Variants in CDKAL1 observed in about 807,000 individuals in gnomAD.
CDKAL1 encodes the protein threonylcarbamoyladenosine tRNA methylthiotransferase.
In CDKAL1, 32 loss-of-function variants were observed where a neutral mutation model predicts 68.2. The observed-to-expected ratio is 0.47, with a 90% CI of 0.35 to 0.63. The LOEUF (loss-of-function observed/expected upper bound fraction) is 0.63, where lower values mean the gene tolerates loss of function less well. CDKAL1 is among the 30% of genes least tolerant of loss of function. The pLI, the probability that CDKAL1 is intolerant of heterozygous loss-of-function variation, is 0.00. For synonymous variants in CDKAL1, 234 were observed against 244.3 expected (o/e 0.96, Z 0.39); for missense variants, 606 against 696.7 (o/e 0.87, Z 1.47).
intron 9 of CDKAL1, among the ~76,000 whole-genome samples, chr6:20,871,578 C>T (rs565779841): frequency 4.1e-5 from 6 of 148,022 alleles, no homozygotes; most frequent in East Asian, 1.9e-4. Flanking sequence ...ACAACAACAA[C>T]GACAAAAATT....
At chr6:20,775,043 AAAGAT>A (rs1258417698) in intron 7 of CDKAL1, among the ~76,000 whole-genome samples, 1 of 152,228 alleles carries the variant, frequency 6.6e-6, no homozygotes, top group African/African-American at 2.4e-5. Flanking sequence ...TAAAAATGGA[AAAGAT>A]AAAAGATCTC....
chr6:21,031,780 G>A (rs972455378), intron 11 of CDKAL1, among the ~76,000 whole-genome samples: 2 of 152,086 alleles, frequency 1.3e-5, no homozygotes, highest in African/African-American at 4.8e-5. Context: ...GTCTTTTTCA[G>A]TGCGTTATTT....
intron 10 of CDKAL1, among the ~76,000 whole-genome samples, chr6:20,964,928 CG>C (rs1163085726): frequency 1.1e-4 from 16 of 152,050 alleles, no homozygotes. Flanking sequence ...CCAAAAGAGA[CG>C]GTTAATTTTC....
chr6:21,027,701 C>T (rs986198008), intron 11 of CDKAL1, among the ~76,000 whole-genome samples: 6 of 152,134 alleles, frequency 3.9e-5, no homozygotes, highest in Admixed American at 1.3e-4. Flanking sequence ...CAGATGTGAA[C>T]GCCATGTTTT....
intron 5 of CDKAL1, among the ~76,000 whole-genome samples, chr6:20,667,624 T>G (rs1221068600): frequency 6.6e-6 from 1 of 152,090 alleles, no homozygotes; most frequent in African/African-American, 2.4e-5. Flanking sequence ...TATTTTTTCC[T>G]TATTTTTTCT....
intron 5 of CDKAL1, among the ~76,000 whole-genome samples, chr6:20,702,914 C>T (rs183921237): frequency 6.6e-6 from 1 of 152,308 alleles, no homozygotes; most frequent in African/African-American, 2.4e-5. Context: ...GGACCACGCT[C>T]TTCCCTTCCC....
intron 8 of CDKAL1, among the ~76,000 whole-genome samples, chr6:20,789,030 C>T (rs189798056): frequency 5.3e-5 from 8 of 152,180 alleles, no homozygotes; most frequent in Non-Finnish European, 7.4e-5. Context: ...GAATATAGTT[C>T]GAATTGCTTC....
intron 4 of CDKAL1, among the ~76,000 whole-genome samples, chr6:20,582,510 A>G (rs934696462): frequency 6.6e-6 from 1 of 152,170 alleles, no homozygotes; most frequent in African/African-American, 2.4e-5. Flanking sequence ...TCTTTGACAT[A>G]TGAGGGTTTT....
chr6:21,205,757 T>A (rs1778894588), intron 15 of CDKAL1, among the ~76,000 whole-genome samples: 1 of 150,410 alleles, frequency 6.6e-6, no homozygotes, highest in Non-Finnish European at 1.5e-5. Flanking sequence ...GGTCTCGATC[T>A]CCTGACCTCG....
At chr6:20,689,209 G>A (rs1038335114) in intron 5 of CDKAL1, among the ~76,000 whole-genome samples, 1 of 152,166 alleles carries the variant, frequency 6.6e-6, no homozygotes, top group Non-Finnish European at 1.5e-5. Flanking sequence ...AGTATTCACT[G>A]TGAGAACCAG....
At chr6:20,989,616 A>C (rs1766680884) in intron 10 of CDKAL1, among the ~76,000 whole-genome samples, 1 of 152,202 alleles carries the variant, frequency 6.6e-6, no homozygotes, top group African/African-American at 2.4e-5. Context: ...TTTCCCCATT[A>C]AATTGATCAG....
chr6:20,591,970 C>G (rs1366008558), intron 4 of CDKAL1, among the ~76,000 whole-genome samples: 2 of 152,140 alleles, frequency 1.3e-5, no homozygotes, highest in East Asian at 3.8e-4. Context: ...ATAGTATGGC[C>G]ATTTTCATGA....
chr6:21,075,440 T>C (rs57582226), intron 12 of CDKAL1, among the ~76,000 whole-genome samples: 22,249 of 152,094 alleles, frequency 0.15, 1,752 homozygotes, highest in Middle Eastern at 0.16. Context: ...ATTTTGTATT[T>C]GTATAGGGGG....
chr6:21,131,006 G>A (rs998089015), intron 13 of CDKAL1, among the ~76,000 whole-genome samples: 4 of 152,316 alleles, frequency 2.6e-5, no homozygotes, highest in Middle Eastern at 3.4e-3. Context: ...TAAAAGGAGA[G>A]TGTTCCCAAA....
At chr6:20,687,293 A>G (rs1483707915) in intron 5 of CDKAL1, among the ~76,000 whole-genome samples, 1 of 152,162 alleles carries the variant, frequency 6.6e-6, no homozygotes, top group Non-Finnish European at 1.5e-5. Context: ...CAGTGAACCA[A>G]TCTGGGCCTG....
chr6:21,031,423 T>C (rs1303671271), intron 11 of CDKAL1, among the ~76,000 whole-genome samples: 4 of 151,800 alleles, frequency 2.6e-5, no homozygotes, highest in Admixed American at 1.3e-4. Flanking sequence ...TAATGTCCAC[T>C]AATTTGGGAC....
At chr6:20,828,959 G>A (rs917783429) in intron 8 of CDKAL1, among the ~76,000 whole-genome samples, 9 of 152,102 alleles carry the variant, frequency 5.9e-5, no homozygotes, top group Non-Finnish European at 1.0e-4. Context: ...TTTGTGACTG[G>A]CTTTTTTCAG....
intron 15 of CDKAL1, among the ~76,000 whole-genome samples, chr6:21,206,824 A>G (rs59146191): frequency 0.018 from 2,752 of 152,300 alleles, 80 homozygotes; most frequent in African/African-American, 0.054. Flanking sequence ...AAAGTGCACC[A>G]TGCATAGTAG....
Position 20,962,101 on chromosome 6 carries a change from A to G in CDKAL1, c.909+6516A>G, listed in dbSNP as rs140199378. Among the ~76,000 whole-genome samples the G allele has an allele frequency of 2.6e-4, 40 of 152,350 alleles. 1 individual carries two copies. The East Asian group carries it at 6.0e-3, about 23-fold the overall frequency. On this transcript the variant is annotated intron_variant, in intron 10 of 15. Transcript: ENST00000274695. The stretch of plus-strand genomic sequence containing the variant: ...AGATTGCAAGTGCTTATTAAGGACT[A>G]TTCCTATATTCAAATTATAATAAAA...
Sources: allele counts gnomAD v4.1 joint callset (sites outside exome capture counted in the v4.1 genomes callset), GRCh38; gene constraint gnomAD v4.1.1; transcripts MANE v1.5; gene names NCBI Gene and HGNC (gene_info 2026-07-23, HGNC 2026-07-21).